RFPL1: variants seen among roughly 807,000 people sequenced by gnomAD.
RFPL1 encodes ret finger protein like 1.
A neutral mutation model predicts 9.6 loss-of-function variants in RFPL1; 6 were observed. That is an observed-to-expected ratio of 0.62 (90% confidence interval 0.34 to 1.23). The LOEUF is 1.23. RFPL1 is among the 50% of genes most tolerant of loss of function. The probability of loss-of-function intolerance (pLI) is 0.03; values close to 1 mark genes in which losing one functional copy is unlikely to be tolerated. For synonymous variants in RFPL1, 145 were observed against 149.4 expected (o/e 0.97, Z 0.22); for missense variants, 352 against 398.4 (o/e 0.88, Z 0.99).
At chr22:29,437,690 G>A, upstream of RFPL1, 3 of 1,585,758 alleles carry the variant, frequency 1.9e-6, no homozygotes, top group Non-Finnish European at 2.6e-6. Context: ...TGAGCGCCCA[G>A]TGGAAGCAGC....
chr22:29,389,641 A>G, the RFPL1 span, among the ~76,000 whole-genome samples: 10 of 133,758 alleles, frequency 7.5e-5, no homozygotes, highest in Non-Finnish European at 1.5e-4. Context: ...AGCCGACATC[A>G]CACCACTGCA....
chr22:29,415,636 C>T, the RFPL1 span, among the ~76,000 whole-genome samples: 1 of 152,254 alleles, frequency 6.6e-6, no homozygotes, highest in South Asian at 2.1e-4. Context: ...TCCTCAGACA[C>T]CGGGTTAAAC....
the RFPL1 span, among the ~76,000 whole-genome samples, chr22:29,400,097 G>A: frequency 2.0e-5 from 3 of 149,846 alleles, no homozygotes; most frequent in Non-Finnish European, 4.4e-5. Context: ...CTGGGTTCAC[G>A]CCATTCTCCT....
chr22:29,400,670 C>T, the RFPL1 span, among the ~76,000 whole-genome samples: 226 of 152,302 alleles, frequency 1.5e-3, 1 homozygote, highest in African/African-American at 5.0e-3. Flanking sequence ...ACTGTTCCCA[C>T]ATCTCTCTTT....
the RFPL1 span, among the ~76,000 whole-genome samples, chr22:29,398,278 G>T: frequency 1.3e-5 from 2 of 152,202 alleles, no homozygotes; most frequent in Non-Finnish European, 2.9e-5. Context: ...ACAACAAGGG[G>T]ACTGGACTGG....
chr22:29,431,671 T>C, the RFPL1 span, among the ~76,000 whole-genome samples: 1 of 150,700 alleles, frequency 6.6e-6, no homozygotes, highest in South Asian at 2.1e-4. Flanking sequence ...TTTCAGCGTG[T>C]AATCAATCTT....
the RFPL1 span, among the ~76,000 whole-genome samples, chr22:29,410,809 C>T: frequency 6.6e-6 from 1 of 151,620 alleles, no homozygotes; most frequent in Non-Finnish European, 1.5e-5. Flanking sequence ...CCTGCCACCA[C>T]ACCCAGCTCA....
At chr22:29,416,127 C>T in the RFPL1 span, among the ~76,000 whole-genome samples, 185 of 152,352 alleles carry the variant, frequency 1.2e-3, 2 homozygotes, top group African/African-American at 4.1e-3. Context: ...GGGAAGCAAA[C>T]GCCCTCCCAG....
chr22:29,398,596 A>C, the RFPL1 span, among the ~76,000 whole-genome samples: 2 of 152,152 alleles, frequency 1.3e-5, no homozygotes, highest in Non-Finnish European at 2.9e-5. Context: ...GACCCTGAGC[A>C]AGTCACTTGC....
At chr22:29,409,939 GC>G in the RFPL1 span, among the ~76,000 whole-genome samples, 27 of 152,168 alleles carry the variant, frequency 1.8e-4, no homozygotes, top group African/African-American at 6.5e-4. Flanking sequence ...TTTCTCAGTA[GC>G]AACTTTTTCT....
chr22:29,410,231 A>ATC, the RFPL1 span, among the ~76,000 whole-genome samples: 10 of 137,516 alleles, frequency 7.3e-5, no homozygotes, highest in East Asian at 2.0e-4. Context: ...ATATATATAG[A>ATC]TATATATATA....
the RFPL1 span, among the ~76,000 whole-genome samples, chr22:29,415,457 G>A: frequency 6.6e-6 from 1 of 152,204 alleles, no homozygotes; most frequent in Non-Finnish European, 1.5e-5. Context: ...ACGAGGCATT[G>A]CACCGGGGCA....
chr22:29,431,749 G>A, the RFPL1 span, among the ~76,000 whole-genome samples: 2 of 151,040 alleles, frequency 1.3e-5, no homozygotes, highest in South Asian at 2.1e-4. Flanking sequence ...GCAGTGGTGC[G>A]ATCTCAGCTC....
At chr22:29,417,845 G>A in the RFPL1 span, among the ~76,000 whole-genome samples, 36 of 152,182 alleles carry the variant, frequency 2.4e-4, no homozygotes, top group Admixed American at 3.9e-4. Context: ...TTTAGTGCTG[G>A]GTGATGGGAA....
At chr22:29,392,224 C>T in the RFPL1 span, among the ~76,000 whole-genome samples, 2 of 150,744 alleles carry the variant, frequency 1.3e-5, no homozygotes, top group African/African-American at 2.4e-5. Flanking sequence ...GGATTACAGG[C>T]GCCCACCACC....
At chr22:29,400,762 C>T in the RFPL1 span, among the ~76,000 whole-genome samples, 20 of 152,236 alleles carry the variant, frequency 1.3e-4, no homozygotes, top group Non-Finnish European at 2.2e-4. Context: ...CCACTGCTGA[C>T]GCTCAGCTTA....
the RFPL1 span, among the ~76,000 whole-genome samples, chr22:29,426,616 A>G: frequency 3.3e-5 from 5 of 152,004 alleles, no homozygotes; most frequent in African/African-American, 9.7e-5. Flanking sequence ...GCTGGGCATG[A>G]TGGGTGCCTG....
the RFPL1 span, among the ~76,000 whole-genome samples, chr22:29,413,904 T>C: frequency 2.6e-5 from 4 of 152,204 alleles, no homozygotes; most frequent in African/African-American, 9.7e-5. Context: ...ACTATTTTTG[T>C]AACCTTTTAA....
chr22:29,439,617 G>C (rs569158507), intron 1 of RFPL1: 1 of 154,676 alleles, frequency 6.5e-6, no homozygotes, highest in Admixed American at 6.1e-5. Flanking sequence ...CTGGGTGACA[G>C]AGTGAGACTC....
Sources: allele counts gnomAD v4.1 joint callset (sites outside exome capture counted in the v4.1 genomes callset), GRCh38; gene constraint gnomAD v4.1.1; transcripts MANE v1.5; gene names NCBI Gene and HGNC (gene_info 2026-07-23, HGNC 2026-07-21).